The following IL1RAPL1 variants were observed in gnomAD, a reference collection of about 807,000 sequenced individuals.
The protein encoded by IL1RAPL1 is interleukin-1 receptor accessory protein-like 1.
Under a neutral mutation model 48.4 loss-of-function variants are expected in IL1RAPL1, and 3 were observed. That is an observed-to-expected ratio of 0.06 (90% CI 0.03 to 0.16). IL1RAPL1 has a LOEUF of 0.16. IL1RAPL1 is among the 10% of genes least tolerant of loss of function. The probability of loss-of-function intolerance (pLI) is 1.00; values close to 1 mark genes in which losing one functional copy is unlikely to be tolerated. For missense variants in IL1RAPL1, 349 were observed against 530.6 expected (o/e 0.66, Z 3.36); for synonymous variants, 185 against 187.7 (o/e 0.99, Z 0.12).
chrX:28,988,355 C>CTT (rs921225207), intron 2 of IL1RAPL1, among the ~76,000 whole-genome samples: 1 of 110,199 alleles, frequency 9.1e-6, no homozygotes, highest in Non-Finnish European at 1.9e-5. Context: ...GGTGATCATC[C>CTT]TTTTTTTTTC....
At chrX:29,204,377 C>A (rs1930621085) in intron 2 of IL1RAPL1, among the ~76,000 whole-genome samples, 1 of 111,729 alleles carries the variant, frequency 9.0e-6, no homozygotes, top group Non-Finnish European at 1.9e-5. Context: ...TCCTTGCCAC[C>A]ATCCACTGTT....
At chrX:29,140,233 C>T (rs887584508) in intron 2 of IL1RAPL1, among the ~76,000 whole-genome samples, 9 of 111,637 alleles carry the variant, frequency 8.1e-5, no homozygotes, top group Non-Finnish European at 1.7e-4. Flanking sequence ...CTCCCATGAC[C>T]CAAACACCTC....
At chrX:29,177,928 CT>C (rs1302881303) in intron 2 of IL1RAPL1, among the ~76,000 whole-genome samples, 3 of 111,952 alleles carry the variant, frequency 2.7e-5, no homozygotes, top group Non-Finnish European at 3.8e-5. Flanking sequence ...TGAATTCATC[CT>C]TTTTTATGGC....
chrX:29,852,564 A>G (rs752033493), intron 6 of IL1RAPL1, among the ~76,000 whole-genome samples: 10 of 112,212 alleles, frequency 8.9e-5, no homozygotes, highest in African/African-American at 2.9e-4. Context: ...TTTATTTTGT[A>G]TTCATGACAG....
At chrX:28,726,667 C>G (rs80147510) in intron 1 of IL1RAPL1, among the ~76,000 whole-genome samples, 2 of 112,215 alleles carry the variant, frequency 1.8e-5, no homozygotes, top group East Asian at 5.6e-4. Context: ...TCAATTCACT[C>G]TACAGTTATT....
intron 5 of IL1RAPL1, among the ~76,000 whole-genome samples, chrX:29,636,471 A>C (rs1390562320): frequency 8.9e-6 from 1 of 112,277 alleles, no homozygotes; most frequent in African/African-American, 3.2e-5. Flanking sequence ...GGAACTATTT[A>C]GCAACAGCTC....
At chrX:29,097,915 C>G (rs1273927085) in intron 2 of IL1RAPL1, among the ~76,000 whole-genome samples, 4 of 111,886 alleles carry the variant, frequency 3.6e-5, no homozygotes, top group African/African-American at 1.3e-4. Flanking sequence ...CCAGACCCTT[C>G]TTTTGATCGT....
chrX:29,505,794 A>G (rs1012286828), intron 5 of IL1RAPL1, among the ~76,000 whole-genome samples: 7 of 111,657 alleles, frequency 6.3e-5, no homozygotes, highest in Middle Eastern at 4.7e-3. Context: ...CATATTTTAG[A>G]AAGTTTTCTG....
intron 1 of IL1RAPL1, among the ~76,000 whole-genome samples, chrX:28,649,593 G>C (rs1029710024): frequency 1.8e-5 from 2 of 112,231 alleles, no homozygotes; most frequent in African/African-American, 6.5e-5. Context: ...TCCCCTTTTT[G>C]ATTTGAGAAC....
chrX:28,866,421 T>TTCAG (rs1424381444), intron 2 of IL1RAPL1, among the ~76,000 whole-genome samples: 25 of 111,368 alleles, frequency 2.2e-4, no homozygotes, highest in African/African-American at 8.2e-4. Context: ...ACAAATTGGG[T>TTCAG]TCAGTGTATA....
intron 2 of IL1RAPL1, among the ~76,000 whole-genome samples, chrX:29,247,305 T>G (rs757069825): frequency 1.4e-3 from 156 of 111,938 alleles, no homozygotes; most frequent in South Asian, 0.01. Context: ...TGGATACATG[T>G]GATTAAAAGA....
At chrX:28,685,277 A>C (rs1451693580) in intron 1 of IL1RAPL1, among the ~76,000 whole-genome samples, 2 of 112,233 alleles carry the variant, frequency 1.8e-5, no homozygotes, top group African/African-American at 6.5e-5. Flanking sequence ...CCACCATCTC[A>C]AGCCATCTTT....
At chrX:28,617,707 C>T (rs1481078859) in intron 1 of IL1RAPL1, among the ~76,000 whole-genome samples, 1 of 112,235 alleles carries the variant, frequency 8.9e-6, no homozygotes, top group African/African-American at 3.2e-5. Flanking sequence ...ATAGGCACAG[C>T]CTTTCCTTGG....
intron 1 of IL1RAPL1, among the ~76,000 whole-genome samples, chrX:28,661,248 A>G (rs1427361331): frequency 1.8e-5 from 2 of 112,288 alleles, no homozygotes; most frequent in African/African-American, 3.2e-5. Flanking sequence ...CAAGATTAAT[A>G]TGCAACTGAT....
At chrX:28,855,179 C>G (rs1409887776) in intron 2 of IL1RAPL1, among the ~76,000 whole-genome samples, 1 of 111,014 alleles carries the variant, frequency 9.0e-6, no homozygotes, top group Admixed American at 9.6e-5. Flanking sequence ...ACCACCATGC[C>G]TGGCTGATTT....
At chrX:29,788,637 C>A (rs1057085359) in intron 6 of IL1RAPL1, among the ~76,000 whole-genome samples, 11 of 111,952 alleles carry the variant, frequency 9.8e-5, no homozygotes, top group Middle Eastern at 4.7e-3. Flanking sequence ...TTTATCACTT[C>A]TTTGTGTTAT....
chrX:28,844,578 A>G (rs1921460588), intron 2 of IL1RAPL1, among the ~76,000 whole-genome samples: 1 of 110,061 alleles, frequency 9.1e-6, no homozygotes, highest in Non-Finnish European at 1.9e-5. Flanking sequence ...GTGGGTACTC[A>G]TGTCTTACTT....
intron 2 of IL1RAPL1, among the ~76,000 whole-genome samples, chrX:29,217,777 T>TCACACACA (rs750727005): frequency 2.3e-4 from 14 of 60,662 alleles, no homozygotes; most frequent in Non-Finnish European, 3.9e-4. Flanking sequence ...TCTCTCTCTC[T>TCACACACA]CACACACACA....
At chrX:29,932,769 CTTATTA>C (rs746742272) in intron 8 of IL1RAPL1, among the ~76,000 whole-genome samples, 1,809 of 110,802 alleles carry the variant, frequency 0.016, 43 homozygotes, top group African/African-American at 0.057. Flanking sequence ...AATATCAGCT[CTTATTA>C]TTATTATTTA....
Sources: allele counts gnomAD v4.1 joint callset (sites outside exome capture counted in the v4.1 genomes callset), GRCh38; gene constraint gnomAD v4.1.1; transcripts MANE v1.5; gene names NCBI Gene and HGNC (gene_info 2026-07-23, HGNC 2026-07-21).